Variants in COA1 observed in about 807,000 individuals in gnomAD.
COA1 encodes the protein cytochrome c oxidase assembly factor 1.
COA1 carries 13 observed loss-of-function variants against 16.0 expected under a neutral mutation model. That is an observed-to-expected ratio of 0.81 (90% CI 0.53 to 1.29). The LOEUF (loss-of-function observed/expected upper bound fraction) is 1.29. Ranked by LOEUF, COA1 falls within the 50% of genes most tolerant of loss-of-function variation. The pLI is 0.00. For synonymous variants in COA1, 65 were observed against 65.7 expected, an observed-to-expected ratio of 0.99 and a Z score of 0.05; for missense variants, 179 against 177.0, an observed-to-expected ratio of 1.01 and a Z score of -0.06.
At position 43,624,662 on chromosome 7, in the gene COA1, T is replaced by C. The variant is rs762633317; in HGVS notation, c.*133+14787A>G. The C allele has an allele frequency of 3.1e-6, 5 of 1,614,100 alleles. No homozygotes were observed. In the East Asian group the frequency reaches 8.9e-5, roughly 29 times the overall value. ...ATTCTGTGCCTGAAATTAATTCGGA[T>C]ACCGACAAATCAGAAACCAAGGAAT... On this transcript the variant is annotated intron_variant and NMD_transcript_variant, in intron 6 of 6. Coordinates refer to the COA1 transcript ENST00000415076.
At chr7:43,659,944 C>T (rs1192100966) in intron 1 of COA1, among the ~76,000 whole-genome samples, 1 of 152,112 alleles carries the variant, frequency 6.6e-6, no homozygotes, top group Non-Finnish European at 1.5e-5. Flanking sequence ...GAAATCTGGA[C>T]TCAGACATAC....
chr7:43,626,376 A>G (rs1393323078), intron 6 of COA1: 1 of 152,238 alleles, frequency 6.6e-6, no homozygotes, highest in East Asian at 1.9e-4. Context: ...GAACCTGTCA[A>G]AGCACCTGGG....
chr7:43,619,449 A>C (rs868287523), intron 6 of COA1: 63 of 1,062,726 alleles, frequency 5.9e-5, no homozygotes, highest in Middle Eastern at 5.8e-4. Flanking sequence ...ATAGGCAATA[A>C]ATTGTAAAAA....
intron 1 of COA1, among the ~76,000 whole-genome samples, chr7:43,653,254 G>A (rs1001290057): frequency 6.6e-6 from 1 of 152,124 alleles, no homozygotes; most frequent in African/African-American, 2.4e-5. Flanking sequence ...GGAGCTTGCG[G>A]TGAGCCGAGA....
chr7:43,622,294 T>G (rs1407011261), intron 6 of COA1: 1 of 152,210 alleles, frequency 6.6e-6, no homozygotes, highest in Non-Finnish European at 1.5e-5. Context: ...ATTTCAGAAA[T>G]CAAAATTTAG....
rs1208758323 is a variant in COA1 at position 43,639,629 on chromosome 7, C to T, written c.394G>A (p.Val132Met). 3 of 1,613,940 alleles carry T rather than the reference C, an allele frequency of 1.9e-6. No individual in the cohort carries two copies. Among genetic ancestry groups the T allele is most frequent in the African/African-American group, 1.3e-5 (1 of 74,886 alleles). ...CCGTTTTCCCCACTGAGCTTGAACA[C>T]AGGAATCTGCTGACCATCCTTGAGC... ...LELKDGQQIP[V>M]FKLSGENGDE... Residue 132 changes from valine (V) to methionine (M), a missense_variant, in exon 6 of 6, where the codon GTG becomes ATG. Coordinates refer to ENST00000223336, the MANE Select transcript of COA1 (RefSeq NM_018224.4).
chr7:43,682,004 T>A (rs1353542191), intron 1 of COA1, among the ~76,000 whole-genome samples: 1 of 152,166 alleles, frequency 6.6e-6, no homozygotes, highest in Non-Finnish European at 1.5e-5. Context: ...AAAAATAGTG[T>A]GGAACGTGCG....
chr7:43,621,012 TA>T (rs907181310), intron 6 of COA1, among the ~76,000 whole-genome samples: 2 of 151,796 alleles, frequency 1.3e-5, no homozygotes, highest in African/African-American at 4.8e-5. Flanking sequence ...GAGAAGAGGG[TA>T]AAAGGAGTGT....
intron 1 of COA1, among the ~76,000 whole-genome samples, chr7:43,717,424 G>T (rs1240186418): frequency 6.6e-6 from 1 of 152,200 alleles, no homozygotes; most frequent in Admixed American, 6.5e-5. Flanking sequence ...TTTCAGACTT[G>T]CATGGGCCCT....
chr7:43,632,782 C>T (rs2085307028), intron 6 of COA1: 1 of 152,190 alleles, frequency 6.6e-6, no homozygotes. Flanking sequence ...CTCCTGGCAT[C>T]AAGCAATCCA....
At chr7:43,700,500 C>T (rs1215499595) in intron 1 of COA1, among the ~76,000 whole-genome samples, 1 of 149,464 alleles carries the variant, frequency 6.7e-6, no homozygotes, top group Non-Finnish European at 1.5e-5. Context: ...ACAAAGATGC[C>T]CTAATCAGCT....
At chr7:43,677,798 C>CT in intron 1 of COA1, among the ~76,000 whole-genome samples, 1 of 43,724 alleles carries the variant, frequency 2.3e-5, no homozygotes. Flanking sequence ...GAGGCTCTGT[C>CT]TTAAAAAAAA....
At chr7:43,651,827 A>AT (rs1563259629) in intron 1 of COA1, among the ~76,000 whole-genome samples, 1 of 151,990 alleles carries the variant, frequency 6.6e-6, no homozygotes, top group African/African-American at 2.4e-5. Flanking sequence ...TGGAACCGAA[A>AT]CTCTACAAAA....
rs545892262 is a variant in COA1, at chr7:43,724,356, C to T, written c.-39+5073G>A. ...TCCCTTGAGGTCAGGAGTTCAAGAC[C>T]AGCCTGGCCAACATAGCAAAACCCT... On this transcript the variant is annotated intron_variant, in intron 1 of 5. Coordinates refer to ENST00000223336, the MANE Select transcript of COA1 (RefSeq NM_018224.4). Among the ~76,000 whole-genome samples, 4 of 152,140 alleles carry T rather than the reference C, an allele frequency of 2.6e-5. No homozygotes were observed. In the East Asian group the frequency reaches 7.7e-4, roughly 29 times the overall value.
chr7:43,613,164 AGC>A (rs1563155258), intron 6 of COA1, among the ~76,000 whole-genome samples: 1 of 152,190 alleles, frequency 6.6e-6, no homozygotes, highest in Non-Finnish European at 1.5e-5. Context: ...TCAGTCTTTC[AGC>A]AGTGTTAGTA....
At chr7:43,710,835 T>C (rs562550446) in intron 1 of COA1, among the ~76,000 whole-genome samples, 52 of 152,320 alleles carry the variant, frequency 3.4e-4, no homozygotes, top group Non-Finnish European at 6.6e-4. Flanking sequence ...TCTGTGATAT[T>C]TGTTTCACAA....
At chr7:43,614,368 A>G (rs1282596910) in intron 6 of COA1, among the ~76,000 whole-genome samples, 1 of 152,168 alleles carries the variant, frequency 6.6e-6, no homozygotes, top group Admixed American at 6.5e-5. Context: ...TATATTTTAA[A>G]TAGAACTAGA....
At chr7:43,659,420 T>A (rs1406797043) in intron 1 of COA1, among the ~76,000 whole-genome samples, 1 of 152,108 alleles carries the variant, frequency 6.6e-6, no homozygotes, top group Non-Finnish European at 1.5e-5. Context: ...CTTGAACAAA[T>A]ACATTTCAAG....
At chr7:43,646,498 CT>C (rs2089336161) in intron 3 of COA1, 6 of 453,214 alleles carry the variant, frequency 1.3e-5, no homozygotes, top group Non-Finnish European at 2.7e-5. Context: ...GGCCACATAG[CT>C]GGTCAAGAGC....
Sources: gnomAD v4.1 joint callset for allele counts (sites outside exome capture counted in the v4.1 genomes callset) on GRCh38, gnomAD v4.1.1 for gene constraint, MANE v1.5 for transcripts, NCBI Gene and HGNC (gene_info 2026-07-23, HGNC 2026-07-21) for gene names.